Variants in ALPK2 observed in about 807,000 individuals in gnomAD.
ALPK2 encodes alpha kinase 2, also known as alpha-protein kinase 2.
A neutral mutation model predicts 163.1 loss-of-function variants in ALPK2; 127 were observed. The ratio of observed to expected loss-of-function variants is 0.78; its 90% CI spans 0.67 to 0.90. ALPK2 has a LOEUF of 0.90. Among genes scored for constraint, ALPK2 ranks in the 40% least tolerant of loss-of-function variants. ALPK2 has a pLI of 0.00. For missense variants in ALPK2, 2,360 were observed against 2,589.6 expected, an observed-to-expected ratio of 0.91 and a Z score of 1.92; for synonymous variants, 953 against 959.1, an observed-to-expected ratio of 0.99 and a Z score of 0.12.
chr18:58,507,930 G>C lies in ALPK2; in HGVS notation c.6030-3782C>G, dbSNP rs2051469828. 2.0e-5 allele frequency among the ~76,000 whole-genome samples: 3 copies of C among 152,302 alleles called. No homozygotes were observed. The South Asian group carries it at 6.2e-4, about 32-fold the overall frequency. ...CCACAGGATTAGAAATTATGGCTCAGGTGTCATGCAGCCAGAGGCCATGAT... is the reference window on the plus strand; with the variant it reads ...CCACAGGATTAGAAATTATGGCTCACGTGTCATGCAGCCAGAGGCCATGAT... On this transcript the variant is annotated intron_variant, in intron 10 of 12. Transcript: ENST00000361673.
At chr18:58,620,632 C>T (rs1236832510) in intron 1 of ALPK2, among the ~76,000 whole-genome samples, 1 of 152,102 alleles carries the variant, frequency 6.6e-6, no homozygotes, top group East Asian at 1.9e-4. Context: ...TAAAAAAAAT[C>T]ATTGCATTTA....
intron 11 of ALPK2, among the ~76,000 whole-genome samples, chr18:58,502,133 TCCACACACACACAC>T (rs1181418869): frequency 2.4e-5 from 2 of 83,546 alleles, no homozygotes; most frequent in Non-Finnish European, 4.7e-5. Flanking sequence ...AAACCCCATC[TCCACACACACACAC>T]ACACACACAC....
intron 4 of ALPK2, among the ~76,000 whole-genome samples, chr18:58,550,314 A>C (rs1568082455): frequency 6.6e-6 from 1 of 150,746 alleles, no homozygotes; most frequent in Non-Finnish European, 1.5e-5. Context: ...CATCTCCATC[A>C]CGTAAAACCC....
intron 3 of ALPK2, chr18:58,580,937 C>CTGAGT (rs2051955911): frequency 1.8e-5 from 3 of 170,374 alleles, no homozygotes; most frequent in Non-Finnish European, 2.5e-5. Context: ...AATTCCACCC[C>CTGAGT]TTATTTAGCA....
At chr18:58,570,530 GA>G (rs2051880486) in intron 4 of ALPK2, among the ~76,000 whole-genome samples, 1 of 152,218 alleles carries the variant, frequency 6.6e-6, no homozygotes, top group African/African-American at 2.4e-5. Context: ...ATTTTCTGCT[GA>G]TACTTAAAAC....
intron 4 of ALPK2, among the ~76,000 whole-genome samples, chr18:58,550,100 AGAAAG>A (rs2051743251): frequency 6.6e-6 from 1 of 152,126 alleles, no homozygotes; most frequent in African/African-American, 2.4e-5. Context: ...TGATCTAAGA[AGAAAG>A]GAACATAGAA....
chr18:58,547,142 C>T lies in ALPK2; in HGVS notation c.1963-8918G>A, dbSNP rs138231116. 3.7e-3 allele frequency among the ~76,000 whole-genome samples: 570 copies of T among 152,220 alleles called. 2 individuals are homozygous for T. Among genetic ancestry groups the T allele is most frequent in the Middle Eastern group, 0.027 (8 of 294 alleles). On this transcript the variant is annotated intron_variant, in intron 4 of 12. Transcript: ENST00000361673. ...CAGTAAAGTAAGAGTTAGATAACAC[C>T]TCTTGCTTCCCAACAGCTTTGGTGT...
chr18:58,609,093 TCTCCCTCCCTCC>T (rs367912072), intron 2 of ALPK2, among the ~76,000 whole-genome samples: 1 of 150,998 alleles, frequency 6.6e-6, no homozygotes, highest in Non-Finnish European at 1.5e-5. Flanking sequence ...AAATGCTAAG[TCTCCCTCCCTCC>T]CTCCCTCCCT....
intron 12 of ALPK2, among the ~76,000 whole-genome samples, chr18:58,487,325 A>G (rs1346650787): frequency 6.6e-6 from 1 of 152,198 alleles, no homozygotes; most frequent in East Asian, 1.9e-4. Context: ...CTATCAGTCA[A>G]GGAACTCCAA....
intron 4 of ALPK2, among the ~76,000 whole-genome samples, chr18:58,559,710 T>A (rs1043800800): frequency 1.3e-5 from 2 of 152,146 alleles, no homozygotes; most frequent in Non-Finnish European, 2.9e-5. Flanking sequence ...GCCAGGTAGA[T>A]TGCCATTTTT....
intron 1 of ALPK2, among the ~76,000 whole-genome samples, chr18:58,623,743 G>C (rs544017853): frequency 1.3e-5 from 2 of 152,348 alleles, no homozygotes; most frequent in South Asian, 4.1e-4. Flanking sequence ...TGGGATTACA[G>C]GCGGCTCACG....
intron 3 of ALPK2, among the ~76,000 whole-genome samples, chr18:58,596,511 G>C (rs1427420589): frequency 1.3e-5 from 2 of 152,212 alleles, no homozygotes; most frequent in African/African-American, 2.4e-5. Context: ...CAGGGAATGG[G>C]AAGTGACAAG....
rs749202376 is a variant in ALPK2, at chr18:58,529,199, G to A, written c.5393C>T (p.Pro1798Leu). ...TAATTTTACATTTCCAGAGTGTTCAGGGAACATCTCAGCTTGGATCTTTTT... is the reference window on the plus strand; with the variant it reads ...TAATTTTACATTTCCAGAGTGTTCAAGGAACATCTCAGCTTGGATCTTTTT... ...LLKKIQAEMF[P>L]EHSGNVKLSC... Residue 1798 changes from proline (P) to leucine (L), a missense_variant, in exon 6 of 13, where the codon CCT (proline) becomes CTT (leucine). Pro to Leu is a moderately conservative substitution (Grantham distance 98). Coordinates refer to ENST00000361673, the MANE Select transcript of ALPK2 (RefSeq NM_052947.4). 6.2e-7 allele frequency: 1 copy of A among 1,613,782 alleles called. No individual in the cohort carries two copies. Among genetic ancestry groups the A allele is most frequent in the Non-Finnish European group, 8.5e-7 (1 of 1,179,898 alleles).
At chr18:58,584,865 G>A (rs2051977697) in intron 3 of ALPK2, among the ~76,000 whole-genome samples, 1 of 152,190 alleles carries the variant, frequency 6.6e-6, no homozygotes, top group Non-Finnish European at 1.5e-5. Context: ...TCAGGGTGTA[G>A]AATCTTTGCA....
At chr18:58,549,959 C>T (rs561173212) in intron 4 of ALPK2, among the ~76,000 whole-genome samples, 1 of 152,206 alleles carries the variant, frequency 6.6e-6, no homozygotes, top group Non-Finnish European at 1.5e-5. Flanking sequence ...TCAGGACCTA[C>T]GTGCCCCTCT....
At position 58,481,512 on chromosome 18, in the gene ALPK2, T is replaced by C; in HGVS notation, c.*311A>G. 2.9e-6 allele frequency: 1 copy of C among 341,610 alleles called. No individual in the cohort carries two copies. The highest frequency in any genetic ancestry group is 3.3e-5 in the South Asian group (1 of 29,882). The allele number at this position is 341,610 out of a possible 1,614,324, so 21.2% of individuals were successfully genotyped here. A position where few individuals can be genotyped will look rare whatever the true frequency, so the allele number is the denominator to read the frequency against. On this transcript the variant is annotated 3_prime_UTR_variant, in exon 13 of 13. Transcript: ENST00000361673. Reference sequence around the variant, plus strand: ...CACCAGGTCCTCGACAGCACAACCATGTGCAAATACACAAATATACACATG... The same window carrying C: ...CACCAGGTCCTCGACAGCACAACCACGTGCAAATACACAAATATACACATG...
chr18:58,556,637 C>T (rs1389539543), intron 4 of ALPK2, among the ~76,000 whole-genome samples: 1 of 152,196 alleles, frequency 6.6e-6, no homozygotes, highest in Non-Finnish European at 1.5e-5. Flanking sequence ...CCTAAGCCCT[C>T]ATTATACCAA....
chr18:58,605,751 C>T (rs1167312434), intron 3 of ALPK2, among the ~76,000 whole-genome samples: 11 of 152,202 alleles, frequency 7.2e-5, no homozygotes, highest in Admixed American at 7.2e-4. Flanking sequence ...TAGGAAAGTC[C>T]AGGTCATGGT....
At chr18:58,590,394 AGG>A (rs1181672719) in intron 3 of ALPK2, among the ~76,000 whole-genome samples, 1 of 152,122 alleles carries the variant, frequency 6.6e-6, no homozygotes, top group African/African-American at 2.4e-5. Flanking sequence ...CCAGGAATGC[AGG>A]GGGAGGGAGG....
Sources: allele counts gnomAD v4.1 joint callset (sites outside exome capture counted in the v4.1 genomes callset), GRCh38; gene constraint gnomAD v4.1.1; transcripts MANE v1.5; gene names NCBI Gene and HGNC (gene_info 2026-07-23, HGNC 2026-07-21).